Variants in GPC5 observed in about 807,000 individuals in gnomAD.
The protein encoded by GPC5 is glypican-5.
In GPC5, 47 loss-of-function variants were observed where a neutral mutation model predicts 53.9. The ratio of observed to expected loss-of-function variants is 0.87; its 90% CI spans 0.69 to 1.11. The LOEUF is 1.11. Ranked by LOEUF, GPC5 falls within the 50% of genes most tolerant of loss-of-function variation. The pLI, the probability that GPC5 is intolerant of heterozygous loss-of-function variation, is 0.00. For synonymous variants in GPC5, 286 were observed against 263.3 expected (o/e 1.09, Z -0.84); for missense variants, 748 against 713.1 (o/e 1.05, Z -0.56).
At chr13:92,525,150 C>A (rs1402859668) in intron 7 of GPC5, among the ~76,000 whole-genome samples, 1 of 151,936 alleles carries the variant, frequency 6.6e-6, no homozygotes, top group Non-Finnish European at 1.5e-5. Context: ...GTAGCCCTCC[C>A]ATTGATTTTC....
At chr13:92,383,395 T>A (rs74107238) in intron 7 of GPC5, among the ~76,000 whole-genome samples, 3,429 of 152,300 alleles carry the variant, frequency 0.023, 143 homozygotes, top group African/African-American at 0.079. Flanking sequence ...CTCTAATACA[T>A]TTGTCTTGTC....
intron 2 of GPC5, among the ~76,000 whole-genome samples, chr13:91,567,910 T>C (rs2031607664): frequency 6.6e-6 from 1 of 152,128 alleles, no homozygotes; most frequent in Non-Finnish European, 1.5e-5. Context: ...TCCCCACTTG[T>C]GGAGGGAGTG....
At chr13:92,379,471 T>G (rs572125382) in intron 7 of GPC5, among the ~76,000 whole-genome samples, 1 of 152,248 alleles carries the variant, frequency 6.6e-6, no homozygotes, top group South Asian at 2.1e-4. Flanking sequence ...ATTAATTCTC[T>G]CTCTGTCCTC....
intron 5 of GPC5, among the ~76,000 whole-genome samples, chr13:91,885,470 C>T (rs189734905): frequency 1.3e-5 from 2 of 152,248 alleles, no homozygotes; most frequent in East Asian, 3.9e-4. Context: ...GGTGCTTTTG[C>T]TGTTCATCAT....
At chr13:92,308,112 C>T (rs1262862842) in intron 7 of GPC5, among the ~76,000 whole-genome samples, 3 of 152,200 alleles carry the variant, frequency 2.0e-5, no homozygotes, top group African/African-American at 4.8e-5. Context: ...TTTGTGGGAT[C>T]AGAAAAAATA....
chr13:91,465,064 A>G (rs1594123655), intron 2 of GPC5, among the ~76,000 whole-genome samples: 1 of 152,240 alleles, frequency 6.6e-6, no homozygotes, highest in South Asian at 2.1e-4. Flanking sequence ...CACTTACCTT[A>G]ATCAATTTTT....
At chr13:92,112,689 T>C (rs1221455741) in intron 6 of GPC5, among the ~76,000 whole-genome samples, 2 of 152,134 alleles carry the variant, frequency 1.3e-5, no homozygotes, top group Non-Finnish European at 2.9e-5. Context: ...TATGTAGATG[T>C]TGATCATAGG....
At chr13:92,838,513 G>C (rs1179880234) in intron 7 of GPC5, among the ~76,000 whole-genome samples, 2 of 148,144 alleles carry the variant, frequency 1.4e-5, no homozygotes, top group East Asian at 4.1e-4. Context: ...AAAAAAGAAA[G>C]TAAACCTACT....
intron 6 of GPC5, among the ~76,000 whole-genome samples, chr13:92,098,512 A>C (rs778019536): frequency 6.6e-6 from 1 of 152,186 alleles, no homozygotes; most frequent in African/African-American, 2.4e-5. Context: ...AATAGAATTA[A>C]GGTATTTCAT....
intron 7 of GPC5, among the ~76,000 whole-genome samples, chr13:92,554,021 T>G (rs1004703160): frequency 1.3e-5 from 2 of 151,972 alleles, no homozygotes; most frequent in Non-Finnish European, 2.9e-5. Flanking sequence ...TTACAAAAGA[T>G]GTATAATTCA....
At chr13:92,502,053 T>A (rs1300452979) in intron 7 of GPC5, among the ~76,000 whole-genome samples, 1 of 152,090 alleles carries the variant, frequency 6.6e-6, no homozygotes, top group Non-Finnish European at 1.5e-5. Context: ...AATAGACTTG[T>A]TCTCATGATT....
At chr13:91,713,399 C>G (rs983394178) in intron 3 of GPC5, among the ~76,000 whole-genome samples, 14 of 151,186 alleles carry the variant, frequency 9.3e-5, no homozygotes, top group African/African-American at 3.4e-4. Flanking sequence ...TGTATCTTCT[C>G]TTCATCATTT....
chr13:91,842,939 T>C (rs1234275636), intron 5 of GPC5, among the ~76,000 whole-genome samples: 1 of 152,138 alleles, frequency 6.6e-6, no homozygotes, highest in African/African-American at 2.4e-5. Context: ...TTTAACAATA[T>C]GAATTGTCTT....
chr13:92,600,456 C>T (rs962938182), intron 7 of GPC5, among the ~76,000 whole-genome samples: 5 of 151,710 alleles, frequency 3.3e-5, no homozygotes, highest in Non-Finnish European at 1.5e-5. Flanking sequence ...AGAAAGTATT[C>T]CCATGTGTTT....
At chr13:92,866,071 T>C (rs907665625) in intron 7 of GPC5, among the ~76,000 whole-genome samples, 9 of 152,154 alleles carry the variant, frequency 5.9e-5, no homozygotes, top group Non-Finnish European at 4.4e-5. Context: ...TTTGCTCTTA[T>C]AATATTTGAG....
intron 7 of GPC5, among the ~76,000 whole-genome samples, chr13:92,855,243 A>T (rs1878957667): frequency 6.6e-6 from 1 of 151,938 alleles, no homozygotes; most frequent in African/African-American, 2.4e-5. Flanking sequence ...ACTTCTATTA[A>T]ATGTCATTAA....
intron 7 of GPC5, among the ~76,000 whole-genome samples, chr13:92,387,520 G>T (rs908561590): frequency 6.6e-6 from 1 of 152,040 alleles, no homozygotes; most frequent in Non-Finnish European, 1.5e-5. Context: ...GCCTCACAGA[G>T]TAGTTGCTTT....
intron 2 of GPC5, among the ~76,000 whole-genome samples, chr13:91,565,942 C>T (rs117942889): frequency 0.013 from 1,967 of 152,162 alleles, 22 homozygotes; most frequent in Non-Finnish European, 0.021. Flanking sequence ...TCTTGTAGAC[C>T]CATGATTTCA....
intron 7 of GPC5, among the ~76,000 whole-genome samples, chr13:92,801,989 T>C (rs1276446487): frequency 6.6e-6 from 1 of 151,846 alleles, no homozygotes; most frequent in African/African-American, 2.4e-5. Context: ...TAGTTTAGCC[T>C]AAGTTTATAG....
Sources: gnomAD v4.1 joint callset for allele counts (sites outside exome capture counted in the v4.1 genomes callset) on GRCh38, gnomAD v4.1.1 for gene constraint, MANE v1.5 for transcripts, NCBI Gene and HGNC (gene_info 2026-07-23, HGNC 2026-07-21) for gene names.